TUT1: variants seen among roughly 807,000 people sequenced by gnomAD.
The protein encoded by TUT1 is terminal uridylyl transferase 1, U6 snRNA-specific.
Under a neutral mutation model 48.8 loss-of-function variants are expected in TUT1, and 26 were observed. That is an observed-to-expected ratio of 0.53 (90% confidence interval 0.39 to 0.74). The LOEUF is 0.74. Among genes scored for constraint, TUT1 ranks in the 30% least tolerant of loss-of-function variants. The pLI, the probability that TUT1 is intolerant of heterozygous loss-of-function variation, is 0.00. For synonymous variants in TUT1, 470 were observed against 460.8 expected (o/e 1.02, Z -0.26); for missense variants, 1,065 against 1,114.8 (o/e 0.96, Z 0.64).
In TUT1 at chr11:62,575,863, A is replaced by C. The variant is rs1482768712; in HGVS notation, c.1856T>G (p.Leu619Arg). The change falls in exon 9 of 9, where the codon CTC becomes CGC. Residue 619 changes from leucine (L) to arginine (R), a missense_variant. By Grantham distance (102) the Leu-to-Arg change is moderately radical (BLOSUM62 -2). Transcript: ENST00000476907. ...GAATACCTGCACCAGGGCAGCAGTGAGCTGGGTGAAGGGTGCAAGGGGTAA... is the reference window on the plus strand; with the variant it reads ...GAATACCTGCACCAGGGCAGCAGTGCGCTGGGTGAAGGGTGCAAGGGGTAA... ...IPLPLAPFTQ[L>R]TAALVQVFRE... is the part of the protein sequence containing the mutation. The C allele has an allele frequency of 6.2e-7, 1 of 1,613,972 alleles. No homozygotes were observed. The highest frequency in any genetic ancestry group is 2.2e-5 in the East Asian group (1 of 44,878).
chr11:62,577,899 T>C (rs1373689784), intron 5 of TUT1, among the ~76,000 whole-genome samples: 1 of 151,226 alleles, frequency 6.6e-6, no homozygotes, highest in African/African-American at 2.4e-5. Flanking sequence ...CCATCTCTAC[T>C]AAAAATACAA....
rs757079070 is a variant in TUT1 at position 62,576,218 on chromosome 11, A to G, written c.1501T>C (p.Cys501Arg). Residue 501 changes from cysteine (C) to arginine (R), a missense_variant, in exon 9 of 9, where the codon TGT (cysteine) becomes CGT (arginine). Physicochemically the swap from Cys to Arg is radical, Grantham distance 180 (BLOSUM62 -3). Transcript: ENST00000476907. Reference protein sequence around the residue: ...LSSLLAQFFSCVSCWDLRGSL... With the variant: ...LSSLLAQFFSRVSCWDLRGSL... Reference sequence around the variant, plus strand: ...CCACGAAGATCCCAACAAGATACACAGGAGAAGAACTGGGCTAGCAGGGAA... The same window carrying G: ...CCACGAAGATCCCAACAAGATACACGGGAGAAGAACTGGGCTAGCAGGGAA... 1.3e-6 allele frequency: 2 copies of G among 1,599,002 alleles called. No homozygotes were observed. Among genetic ancestry groups the G allele is most frequent in the Non-Finnish European group, 1.7e-6 (2 of 1,172,832 alleles).
chr11:62,578,538 C>T (rs772136068), intron 5 of TUT1, 23 bp downstream of exon 5: 25 of 1,554,472 alleles, frequency 1.6e-5, no homozygotes, highest in African/African-American at 1.4e-5. Flanking sequence ...AGTGAAATGT[C>T]GTCTCAAAAA....
In TUT1 at chr11:62,577,021, G is replaced by C. The variant is rs1282564830; in HGVS notation, c.1271-4C>G. 3.1e-6 allele frequency: 5 copies of C among 1,613,038 alleles called. No homozygotes were observed. Among genetic ancestry groups the C allele is most frequent in the Non-Finnish European group, 4.2e-6 (5 of 1,179,192 alleles). On this transcript the variant is annotated splice_region_variant and splice_polypyrimidine_tract_variant and intron_variant, in intron 6 of 8. Coordinates refer to ENST00000476907, the MANE Select transcript of TUT1 (RefSeq NM_022830.3). ...TTACTGAGAAGGGGGCCACTCCCTG[G>C]GTAAATAAGCAATAATTCCGGTTAG...
intron 2 of TUT1, among the ~76,000 whole-genome samples, chr11:62,583,887 A>G (rs1181153235): frequency 6.6e-6 from 1 of 152,226 alleles, no homozygotes; most frequent in Non-Finnish European, 1.5e-5. Context: ...TCTTGTCAAC[A>G]AATTGTGCTG....
At position 62,578,914 on chromosome 11, in the gene TUT1, A is replaced by T. The variant is rs1941778146; in HGVS notation, c.807T>A (p.Ser269=). ...AGTCCAGGGCTTCAGAATCCTGGGG[A>T]GAAGCAGGAGGTTGTGAATCTGGAG... is the stretch of plus-strand genomic sequence containing the variant. ...ASPPDSQPPA[S]PQDSEALDFE... is the part of the protein sequence containing the mutation. Residue 269 remains serine, a synonymous_variant, in exon 5 of 9, where the codon TCT becomes TCA. Transcript: ENST00000476907. 1.3e-6 allele frequency: 2 copies of T among 1,579,758 alleles called. No homozygotes were observed. Among genetic ancestry groups the T allele is most frequent in the Admixed American group, 3.6e-5 (2 of 55,524 alleles).
At chr11:62,576,375 A>G (rs1941728189) in intron 8 of TUT1, 131 bp from the exon 9 acceptor site, 1 of 1,189,748 alleles carries the variant, frequency 8.4e-7, no homozygotes, top group Admixed American at 2.9e-5. Flanking sequence ...CCAGGAAGCT[A>G]GGCTTCTCTG....
Position 62,591,437 on chromosome 11 carries a change from G to T in TUT1, c.49C>A (p.Arg17Ser). 1 of 1,605,106 alleles carries T rather than the reference G, an allele frequency of 6.2e-7. No homozygotes were observed. The highest frequency in any genetic ancestry group is 8.5e-7 in the Non-Finnish European group (1 of 1,175,892). Residue 17 changes from arginine (R) to serine (S), a missense_variant, in exon 1 of 9, where the codon CGC becomes AGC. Transcript: ENST00000476907. ...DVESLPRGGFRCCLCHVTTAN... is the reference protein window; with the variant it reads ...DVESLPRGGFSCCLCHVTTAN... ...GTAGTAACGTGGCAGAGGCAGCAGCGGAACCCCCCACGCGGCAGCGATTCG... is the reference window on the plus strand; with the variant it reads ...GTAGTAACGTGGCAGAGGCAGCAGCTGAACCCCCCACGCGGCAGCGATTCG...
intron 5 of TUT1, among the ~76,000 whole-genome samples, 184 bp from the exon 6 acceptor site, chr11:62,577,475 C>A (rs1941748600): frequency 6.6e-6 from 1 of 151,918 alleles, no homozygotes; most frequent in Non-Finnish European, 1.5e-5. Flanking sequence ...GGAAACACTT[C>A]ATCCTGTACG....
Position 62,575,489 on chromosome 11 carries a change from C to A in TUT1, c.2230G>T (p.Glu744Ter). The change falls in exon 9 of 9, where the codon GAG (glutamate) becomes TAG (stop). Residue 744 changes from glutamate to a stop codon, truncating the protein, a stop_gained. Transcript: ENST00000476907. LOFTEE classifies it low-confidence loss of function (END_TRUNC). ...ALAERGPKGH[E>*]AAQEWSQGEA... ...CCCTGAGACCATTCTTGGGCTGCCT[C>A]ATGTCCCTTGGGCCCCCGCTCTGCC... The A allele has an allele frequency of 6.2e-7, 1 of 1,612,664 alleles. No individual in the cohort carries two copies. Among genetic ancestry groups the A allele is most frequent in the East Asian group, 2.2e-5 (1 of 44,876 alleles).
At position 62,578,830 on chromosome 11, in the gene TUT1, C is replaced by G; in HGVS notation, c.891G>C (p.Glu297Asp). The stretch of plus-strand genomic sequence containing the variant: ...GCAGAGACTGGGGAGAAGCAAGGGT[C>G]TCGGAGGCCAAGGCAGAGTCCGGAG... The part of the protein sequence containing the change: ...PQTPDSALAS[E>D]TLASPQSLPP... The change falls in exon 5 of 9, where the codon GAG becomes GAC. Residue 297 changes from glutamate to aspartate, a missense_variant. By Grantham distance (45) the Glu-to-Asp change is conservative. Transcript: ENST00000476907. 1 of 1,614,084 alleles carries G rather than the reference C, an allele frequency of 6.2e-7. No individual in the cohort carries two copies. Among genetic ancestry groups the G allele is most frequent in the Non-Finnish European group, 8.5e-7 (1 of 1,179,992 alleles).
chr11:62,577,217 G>C lies in TUT1; in HGVS notation c.1235C>G (p.Thr412Ser). Residue 412 changes from threonine to serine, a missense_variant, in exon 6 of 9, where the codon ACC becomes AGC. Transcript: ENST00000476907. Reference sequence around the variant, plus strand: ...CCGACCCTGAGCCCAGCAGCGGAGGGTGTACACGAGGGGCCGGACTCGACC... The same window carrying C: ...CCGACCCTGAGCCCAGCAGCGGAGGCTGTACACGAGGGGCCGGACTCGACC... ...LDGRVRPLVY[T>S]LRCWAQGRGL... is the part of the protein sequence containing the mutation. The C allele has an allele frequency of 6.2e-7, 1 of 1,611,238 alleles. No individual in the cohort carries two copies. Among genetic ancestry groups the C allele is most frequent in the Non-Finnish European group, 8.5e-7 (1 of 1,179,166 alleles).
rs1313645090 is a variant in TUT1, at chr11:62,578,709, C to A, written c.1012G>T (p.Ala338Ser). 7 of 1,614,208 alleles carry A rather than the reference C, an allele frequency of 4.3e-6. No individual in the cohort carries two copies. The East Asian group carries it at 1.6e-4, about 36-fold the overall frequency. The change falls in exon 5 of 9, where the codon GCA (alanine) becomes TCA (serine). Residue 338 changes from alanine (A) to serine (S), a missense_variant. Transcript: ENST00000476907. ...ETPKEEKAEG[A>S]AMLELVGSIL... Reference sequence around the variant, plus strand: ...GATCCCACCAGCTCCAGCATTGCTGCCCCCTCTGCTTTCTCCTCCTTTGGG... The same window carrying A: ...GATCCCACCAGCTCCAGCATTGCTGACCCCTCTGCTTTCTCCTCCTTTGGG...
At position 62,578,781 on chromosome 11, in the gene TUT1, C is replaced by T. The variant is rs1420016362; in HGVS notation, c.940G>A (p.Asp314Asn). The change falls in exon 5 of 9, where the codon GAC becomes AAC. Residue 314 changes from aspartate to asparagine, a missense_variant. By Grantham distance (23) the Asp-to-Asn change is conservative. Coordinates refer to ENST00000476907, the MANE Select transcript of TUT1 (RefSeq NM_022830.3). ...SLPPASPLLEDREEGDLGKAS... is the reference protein window; with the variant it reads ...SLPPASPLLENREEGDLGKAS... ...TTCCCCAGGTCCCCCTCTTCCCTGTCCTCTAGCAGTGGTGAAGCTGGAGGC... is the reference window on the plus strand; with the variant it reads ...TTCCCCAGGTCCCCCTCTTCCCTGTTCTCTAGCAGTGGTGAAGCTGGAGGC... 6.2e-7 allele frequency: 1 copy of T among 1,614,022 alleles called. No homozygotes were observed. Among genetic ancestry groups the T allele is most frequent in the African/African-American group, 1.3e-5 (1 of 74,910 alleles).
Position 62,576,174 on chromosome 11 carries a change from C to T in TUT1, c.1545G>A (p.Arg515=), listed in dbSNP as rs768088010. 1.2e-6 allele frequency: 2 copies of T among 1,613,110 alleles called. No homozygotes were observed. The highest frequency in any genetic ancestry group is 1.7e-6 in the Non-Finnish European group (2 of 1,179,558). ...WDLRGSLLSL[R]EGQALPVAGG... ...CTGCCACAGGCAGTGCCTGACCCTC[C>T]CGCAGGGACAGCAGGGAGCCACGAA... Residue 515 remains arginine (R), a synonymous_variant, in exon 9 of 9, where the codon CGG becomes CGA. Transcript: ENST00000476907.
chr11:62,581,326 T>A (rs1941821071), intron 3 of TUT1, 60 bp downstream of exon 3: 1 of 1,566,926 alleles, frequency 6.4e-7, no homozygotes, highest in African/African-American at 1.4e-5. Flanking sequence ...GGACTGGGGA[T>A]ACAGACACAG....
intron 2 of TUT1, among the ~76,000 whole-genome samples, chr11:62,582,776 T>A (rs12225213): frequency 0.26 from 39,007 of 152,106 alleles, 5,962 homozygotes; most frequent in Non-Finnish European, 0.36. Context: ...AGAATTTTTT[T>A]AAACATTTAT....
intron 2 of TUT1, 87 bp downstream of exon 2, chr11:62,588,944 T>A (rs1941962231): frequency 1.5e-6 from 2 of 1,319,464 alleles, no homozygotes; most frequent in Non-Finnish European, 2.1e-6. Flanking sequence ...TCCGCCTGCC[T>A]CAGCCTCCCA....
chr11:62,580,901 C>T (rs992428487), intron 4 of TUT1, among the ~76,000 whole-genome samples: 5 of 152,112 alleles, frequency 3.3e-5, no homozygotes, highest in Admixed American at 2.6e-4. Context: ...CGAGCCACTG[C>T]GCCTGGCCCT....
Sources: gnomAD v4.1 joint callset for allele counts (sites outside exome capture counted in the v4.1 genomes callset) on GRCh38, gnomAD v4.1.1 for gene constraint, MANE v1.5 for transcripts, NCBI Gene and HGNC (gene_info 2026-07-23, HGNC 2026-07-21) for gene names.